Variants in DPYD observed in about 807,000 individuals in gnomAD.
DPYD encodes the protein dihydropyrimidine dehydrogenase [NADP(+)].
DPYD carries 109 observed loss-of-function variants against 116.2 expected under a neutral mutation model. That is an observed-to-expected ratio of 0.94 (90% CI 0.80 to 1.10). The LOEUF is 1.10. Ranked by LOEUF, DPYD falls within the 50% of genes least tolerant of loss-of-function variation. The pLI, the probability that DPYD is intolerant of heterozygous loss-of-function variation, is 0.00. For synonymous variants in DPYD, 440 were observed against 432.0 expected, an observed-to-expected ratio of 1.02 and a Z score of -0.23; for missense variants, 1,302 against 1,254.5, an observed-to-expected ratio of 1.04 and a Z score of -0.57.
intron 21 of DPYD, among the ~76,000 whole-genome samples, chr1:97,095,632 A>G (rs1345324714): frequency 6.6e-6 from 1 of 151,856 alleles, no homozygotes; most frequent in African/African-American, 2.4e-5. Flanking sequence ...GTGTATGTAT[A>G]TGTATATATA....
At chr1:97,430,178 G>T (rs1675097127) in intron 14 of DPYD, among the ~76,000 whole-genome samples, 1 of 152,122 alleles carries the variant, frequency 6.6e-6, no homozygotes, top group African/African-American at 2.4e-5. Flanking sequence ...CTGTTCCAGT[G>T]ATGGCTGGGA....
chr1:97,105,191 G>A (rs1651045964), intron 20 of DPYD, among the ~76,000 whole-genome samples: 1 of 152,046 alleles, frequency 6.6e-6, no homozygotes, highest in Non-Finnish European at 1.5e-5. Context: ...GGTATTGATG[G>A]CATGTTTTAG....
At chr1:97,091,811 T>C (rs548487382) in intron 21 of DPYD, among the ~76,000 whole-genome samples, 197 of 152,318 alleles carry the variant, frequency 1.3e-3, no homozygotes, top group Middle Eastern at 6.8e-3. Context: ...CAATAGCTTC[T>C]AACTGGTCTC....
chr1:97,331,115 A>C (rs1005226670), intron 16 of DPYD, among the ~76,000 whole-genome samples: 3 of 152,114 alleles, frequency 2.0e-5, no homozygotes, highest in African/African-American at 7.2e-5. Context: ...AGCTTCTAAG[A>C]GTTAGGATAA....
intron 3 of DPYD, among the ~76,000 whole-genome samples, chr1:97,775,882 T>C (rs1014047689): frequency 2.6e-5 from 4 of 152,214 alleles, no homozygotes; most frequent in Non-Finnish European, 5.9e-5. Flanking sequence ...CATTACTGTA[T>C]CTTAATTTAC....
rs142008968 is a variant in DPYD, at chr1:97,278,267, A to G, written c.2299+26992T>C. Among the ~76,000 whole-genome samples, 388 of 152,318 alleles carry G rather than the reference A, an allele frequency of 2.5e-3. 1 individual carries two copies. The highest frequency in any genetic ancestry group is 8.6e-3 in the African/African-American group (358 of 41,580). On this transcript the variant is annotated intron_variant, in intron 18 of 22. Coordinates refer to ENST00000370192, the MANE Select transcript of DPYD (RefSeq NM_000110.4). ...TTTGCCTACTCAGGGGCTTCATCTCATAAGAAAGTACCAGAAAAGCCAAAA... is the reference window on the plus strand; with the variant it reads ...TTTGCCTACTCAGGGGCTTCATCTCGTAAGAAAGTACCAGAAAAGCCAAAA...
intron 8 of DPYD, among the ~76,000 whole-genome samples, chr1:97,599,743 G>A (rs567007802): frequency 2.7e-5 from 4 of 150,842 alleles, no homozygotes; most frequent in African/African-American, 9.7e-5. Flanking sequence ...GGTGATGCTG[G>A]CCAGTCACGG....
chr1:97,449,981 G>T, intron 14 of DPYD, 78 bp downstream of exon 14: 1 of 1,535,180 alleles, frequency 6.5e-7, no homozygotes, highest in Non-Finnish European at 9.0e-7. Context: ...ATATTTATAA[G>T]CCTATGAATT....
At chr1:97,708,317 T>C (rs1662097596) in intron 5 of DPYD, among the ~76,000 whole-genome samples, 2 of 152,130 alleles carry the variant, frequency 1.3e-5, no homozygotes, top group African/African-American at 2.4e-5. Context: ...CATCTTTAAT[T>C]AATTTTTAAT....
chr1:97,169,908 C>T (rs1258049820), intron 20 of DPYD, among the ~76,000 whole-genome samples: 1 of 152,130 alleles, frequency 6.6e-6, no homozygotes, highest in African/African-American at 2.4e-5. Context: ...TCTACTGCCT[C>T]ATCTCACTTC....
intron 3 of DPYD, among the ~76,000 whole-genome samples, chr1:97,791,209 G>A (rs1168707161): frequency 1.8e-4 from 27 of 151,976 alleles, no homozygotes; most frequent in Admixed American, 1.3e-3. Context: ...TTGTATTTCC[G>A]ACCCCTTCCT....
intron 20 of DPYD, among the ~76,000 whole-genome samples, chr1:97,145,468 C>T (rs1207004414): frequency 6.6e-6 from 1 of 152,108 alleles, no homozygotes; most frequent in Non-Finnish European, 1.5e-5. Flanking sequence ...TGAACTGTGG[C>T]CATTTTAATG....
At chr1:97,806,746 A>T (rs1668096520) in intron 3 of DPYD, among the ~76,000 whole-genome samples, 1 of 151,952 alleles carries the variant, frequency 6.6e-6, no homozygotes. Flanking sequence ...AATGTATAAT[A>T]ATATGGATCT....
intron 3 of DPYD, among the ~76,000 whole-genome samples, chr1:97,811,580 A>G (rs1287312787): frequency 6.6e-6 from 1 of 152,202 alleles, no homozygotes; most frequent in Non-Finnish European, 1.5e-5. Context: ...AAAATGTCAT[A>G]GATTAGATCT....
intron 1 of DPYD, among the ~76,000 whole-genome samples, chr1:97,900,636 AT>A (rs1411295371): frequency 6.6e-6 from 1 of 151,930 alleles, no homozygotes; most frequent in Non-Finnish European, 1.5e-5. Context: ...AAAGTAATTC[AT>A]TTTCATCTCC....
chr1:97,494,751 AACACACACACAC>A (rs10657499), intron 13 of DPYD, among the ~76,000 whole-genome samples: 1 of 146,726 alleles, frequency 6.8e-6, no homozygotes, highest in East Asian at 2.0e-4. Flanking sequence ...CAAAAAAGAA[AACACACACACAC>A]ACACACACAC....
Position 97,920,987 on chromosome 1 carries a change from G to C in DPYD, c.-65C>G. On this transcript the variant is annotated 5_prime_UTR_variant, in exon 1 of 23. Coordinates refer to ENST00000370192, the MANE Select transcript of DPYD (RefSeq NM_000110.4). ...TCCTTGCGTCCTCAAGCTCCAGCCA[G>C]AGAGCCAAGTGACAGCAGCCGGAGC... The C allele has an allele frequency of 6.5e-7, 1 of 1,546,996 alleles. No individual in the cohort carries two copies. The highest frequency in any genetic ancestry group is 8.8e-7 in the Non-Finnish European group (1 of 1,142,562).
At chr1:97,679,217 G>A (rs1316918946) in intron 7 of DPYD, 35 bp from the exon 8 acceptor site, 3 of 1,174,876 alleles carry the variant, frequency 2.6e-6, no homozygotes, top group African/African-American at 1.5e-5. Flanking sequence ...AGAAAATTTG[G>A]CATATGATTA....
intron 4 of DPYD, among the ~76,000 whole-genome samples, chr1:97,725,257 T>G (rs889224033): frequency 6.6e-6 from 1 of 151,456 alleles, no homozygotes; most frequent in Non-Finnish European, 1.5e-5. Context: ...CTGTAAAAAG[T>G]TCAAATTTAT....
Sources: allele counts gnomAD v4.1 joint callset (sites outside exome capture counted in the v4.1 genomes callset), GRCh38; gene constraint gnomAD v4.1.1; transcripts MANE v1.5; gene names NCBI Gene and HGNC (gene_info 2026-07-23, HGNC 2026-07-21).